SGCZ: variants seen among roughly 807,000 people sequenced by gnomAD.
SGCZ encodes the protein sarcoglycan zeta, also known as zeta-sarcoglycan.
Under a neutral mutation model 41.3 loss-of-function variants are expected in SGCZ, and 40 were observed. The observed-to-expected ratio is 0.97, with a 90% CI of 0.75 to 1.26. SGCZ has a LOEUF of 1.26. Ranked by LOEUF, SGCZ falls within the 50% of genes most tolerant of loss-of-function variation. The pLI is 0.00. For synonymous variants in SGCZ, 206 were observed against 137.5 expected, an observed-to-expected ratio of 1.50 and a Z score of -3.49; for missense variants, 552 against 369.8, an observed-to-expected ratio of 1.49 and a Z score of -4.04.
intron 1 of SGCZ, among the ~76,000 whole-genome samples, chr8:14,958,587 T>A (rs982876263): frequency 6.6e-6 from 1 of 152,018 alleles, no homozygotes; most frequent in African/African-American, 2.4e-5. Context: ...CTAGAAAGGA[T>A]AATGAAAGAA....
chr8:15,068,675 C>G (rs1777221504), intron 1 of SGCZ, among the ~76,000 whole-genome samples: 1 of 152,126 alleles, frequency 6.6e-6, no homozygotes, highest in African/African-American at 2.4e-5. Flanking sequence ...ATATGTGAAG[C>G]TTGAAAACAA....
At chr8:14,926,598 C>A (rs1402814962) in intron 1 of SGCZ, among the ~76,000 whole-genome samples, 1 of 148,962 alleles carries the variant, frequency 6.7e-6, no homozygotes, top group Non-Finnish European at 1.5e-5. Flanking sequence ...TGGGCAAACT[C>A]AGTAGACAGT....
At chr8:14,664,025 T>G (rs997891997) in intron 1 of SGCZ, among the ~76,000 whole-genome samples, 1 of 152,146 alleles carries the variant, frequency 6.6e-6, no homozygotes, top group Non-Finnish European at 1.5e-5. Flanking sequence ...ATAATCAAAA[T>G]TCACTCCAAC....
intron 3 of SGCZ, among the ~76,000 whole-genome samples, chr8:14,246,388 T>C (rs184038727): frequency 3.3e-5 from 5 of 151,888 alleles, no homozygotes; most frequent in South Asian, 2.1e-4. Context: ...TAGGTGGGAA[T>C]TGAATAATCA....
chr8:15,078,065 G>A (rs1310669739), intron 1 of SGCZ, among the ~76,000 whole-genome samples: 2 of 151,856 alleles, frequency 1.3e-5, no homozygotes, highest in Admixed American at 1.3e-4. Context: ...GCCTTACGTG[G>A]GAGGAGGAGC....
At chr8:14,560,876 A>T (rs1804188080) in intron 1 of SGCZ, among the ~76,000 whole-genome samples, 1 of 152,132 alleles carries the variant, frequency 6.6e-6, no homozygotes, top group Non-Finnish European at 1.5e-5. Flanking sequence ...AAACACAAAA[A>T]AAAGTTATGA....
chr8:14,392,202 T>C (rs1422360737), intron 2 of SGCZ, among the ~76,000 whole-genome samples: 2 of 152,220 alleles, frequency 1.3e-5, no homozygotes, highest in African/African-American at 4.8e-5. Context: ...GCATAGCTTG[T>C]TCTCTTTACT....
intron 7 of SGCZ, among the ~76,000 whole-genome samples, chr8:14,101,627 A>T (rs1053840101): frequency 6.6e-6 from 1 of 151,140 alleles, no homozygotes; most frequent in African/African-American, 2.5e-5. Flanking sequence ...GAAAAATACT[A>T]ATGTATACAT....
intron 1 of SGCZ, among the ~76,000 whole-genome samples, chr8:14,887,766 C>T (rs1197957857): frequency 6.6e-6 from 1 of 152,028 alleles, no homozygotes; most frequent in South Asian, 2.1e-4. Context: ...TGTATGAAAT[C>T]CCTTAAGAAA....
intron 1 of SGCZ, among the ~76,000 whole-genome samples, chr8:14,783,617 G>C (rs1332110295): frequency 6.6e-6 from 1 of 151,854 alleles, no homozygotes; most frequent in African/African-American, 2.4e-5. Context: ...ATTCCTGCTG[G>C]TTTCCTTTGT....
intron 1 of SGCZ, among the ~76,000 whole-genome samples, chr8:14,607,020 T>A (rs1181309977): frequency 6.6e-6 from 1 of 152,140 alleles, no homozygotes; most frequent in Non-Finnish European, 1.5e-5. Flanking sequence ...TCAGGCAGCA[T>A]ACTGAAATGA....
intron 1 of SGCZ, among the ~76,000 whole-genome samples, chr8:14,974,454 G>C (rs188806194): frequency 5.3e-5 from 8 of 152,302 alleles, no homozygotes; most frequent in Admixed American, 2.6e-4. Flanking sequence ...CCTGGAAAGA[G>C]AAATCGCTAA....
intron 5 of SGCZ, among the ~76,000 whole-genome samples, chr8:14,159,191 C>A (rs1216604981): frequency 2.0e-5 from 3 of 152,106 alleles, no homozygotes; most frequent in Non-Finnish European, 2.9e-5. Flanking sequence ...CTTTAAACAT[C>A]AAATGGACAA....
chr8:14,702,283 C>A (rs959784430), intron 1 of SGCZ, among the ~76,000 whole-genome samples: 1 of 151,894 alleles, frequency 6.6e-6, no homozygotes, highest in African/African-American at 2.4e-5. Context: ...CTTCTTCTCT[C>A]TGTGTTTTTC....
chr8:14,738,843 G>T (rs921304211), intron 1 of SGCZ, among the ~76,000 whole-genome samples: 1 of 151,976 alleles, frequency 6.6e-6, no homozygotes, highest in South Asian at 2.1e-4. Flanking sequence ...CGCAGGACAG[G>T]GAGTAAGTGG....
intron 1 of SGCZ, among the ~76,000 whole-genome samples, chr8:14,772,725 A>C (rs527849816): frequency 1.3e-5 from 2 of 151,256 alleles, no homozygotes; most frequent in Non-Finnish European, 2.9e-5. Context: ...ATGATTTCCA[A>C]TTTCATCCAT....
intron 1 of SGCZ, among the ~76,000 whole-genome samples, chr8:14,728,489 A>T (rs1325794236): frequency 6.6e-6 from 1 of 152,080 alleles, no homozygotes; most frequent in African/African-American, 2.4e-5. Context: ...AAGACTTATT[A>T]ACCATGGAAA....
intron 1 of SGCZ, among the ~76,000 whole-genome samples, chr8:14,638,004 C>T (rs556330315): frequency 3.4e-4 from 51 of 151,930 alleles, no homozygotes; most frequent in African/African-American, 1.2e-3. Flanking sequence ...TAGTAATAGT[C>T]ATTTTTGACT....
chr8:14,425,769 TAAG>T (rs1253839037), intron 2 of SGCZ, among the ~76,000 whole-genome samples: 1 of 152,148 alleles, frequency 6.6e-6, no homozygotes, highest in African/African-American at 2.4e-5. Flanking sequence ...TTCTATAACT[TAAG>T]AAGTAGTAAA....
Sources: allele counts gnomAD v4.1 joint callset (sites outside exome capture counted in the v4.1 genomes callset), GRCh38; gene constraint gnomAD v4.1.1; transcripts MANE v1.5; gene names NCBI Gene and HGNC (gene_info 2026-07-23, HGNC 2026-07-21).